The following KIF26A variants were observed in gnomAD, a reference collection of about 807,000 sequenced individuals.
The protein encoded by KIF26A is kinesin family member 26A, also known as kinesin-like protein KIF26A.
Under a neutral mutation model 126.0 loss-of-function variants are expected in KIF26A, and 74 were observed. That is an observed-to-expected ratio of 0.59 (90% CI 0.49 to 0.71). The LOEUF is 0.71. Ranked by LOEUF, KIF26A falls within the 30% of genes least tolerant of loss-of-function variation. The pLI, the probability that KIF26A is intolerant of heterozygous loss-of-function variation, is 0.00. For synonymous variants in KIF26A, 1,445 were observed against 1,232.7 expected (o/e 1.17, Z -3.61); for missense variants, 2,984 against 2,763.3 (o/e 1.08, Z -1.79).
At chr14:104,149,046 C>G (rs1183039264) in intron 2 of KIF26A, among the ~76,000 whole-genome samples, 1 of 152,230 alleles carries the variant, frequency 6.6e-6, no homozygotes, top group Non-Finnish European at 1.5e-5. Flanking sequence ...AGTCTGTGCC[C>G]TGGCCCCTAT....
rs942764015 is a variant in KIF26A, at chr14:104,167,212, G to T, written c.1113+164G>T. On this transcript the variant is annotated intron_variant, in intron 5 of 14. Coordinates refer to ENST00000423312, the MANE Select transcript of KIF26A (RefSeq NM_015656.2). ...AGACTGAGGCCCAGGTGGCAGCAGG[G>T]AGCCTGGGAGCCTGTGCTGGGCTGG... Among the ~76,000 whole-genome samples the T allele has an allele frequency of 2.0e-5, 3 of 152,190 alleles. No individual in the cohort carries two copies. In the East Asian group the frequency reaches 5.8e-4, roughly 29 times the overall value.
rs957029461 is a variant in KIF26A at position 104,179,867 on chromosome 14, G to A, written c.*77G>A. The A allele has an allele frequency of 3.7e-6, 5 of 1,356,624 alleles. No individual in the cohort carries two copies. Among genetic ancestry groups the A allele is most frequent in the African/African-American group, 1.5e-5 (1 of 67,576 alleles). 84.0% of individuals were successfully genotyped at this position (1,356,624 alleles called of 1,614,324 possible). Reference sequence around the variant, plus strand: ...CGTGGGACGGAGCGAGGATGTGGTGGGGGCTGCGGGGGGAGGATGCGGAGG... The same window carrying A: ...CGTGGGACGGAGCGAGGATGTGGTGAGGGCTGCGGGGGGAGGATGCGGAGG... On this transcript the variant is annotated 3_prime_UTR_variant, in exon 15 of 15. Coordinates refer to ENST00000423312, the MANE Select transcript of KIF26A (RefSeq NM_015656.2).
chr14:104,171,776 G>A lies in KIF26A; in HGVS notation c.1167G>A (p.Glu389=), dbSNP rs368528336. ...CACAGGGGGCCCAGCGCTCGGCCGA[G>A]GCCATGTCCTTCCTGAAGGTGGACC... The part of the protein sequence containing the change: ...WPAQGAQRSA[E]AMSFLKVDPR... The change falls in exon 6 of 15, where the codon GAG becomes GAA. Residue 389 remains glutamate, a synonymous_variant. Transcript: ENST00000423312. The A allele has an allele frequency of 1.4e-3, 2,218 of 1,579,064 alleles. 49 individuals carry two copies. The highest frequency in any genetic ancestry group is 3.2e-4 in the Non-Finnish European group (377 of 1,163,474).
Position 104,152,515 on chromosome 14 carries a change from C to T in KIF26A, c.735+54C>T. On this transcript the variant is annotated intron_variant, in intron 3 of 14. Transcript: ENST00000423312. The surrounding 1 kb of genome is among the most constrained non-coding windows in gnomAD (Gnocchi z 5.9). ...TGCTGGCCTCCTTGTCAGAACTGGG[C>T]TTCCTTCGGGGGTCTCTGTCCACGT... 2.7e-6 allele frequency: 4 copies of T among 1,471,098 alleles called. No individual in the cohort carries two copies. Among genetic ancestry groups the T allele is most frequent in the African/African-American group, 1.4e-5 (1 of 70,676 alleles). 91.1% of individuals were successfully genotyped at this position (1,471,098 alleles called of 1,614,324 possible).
chr14:104,177,106 C>T lies in KIF26A; in HGVS notation c.4318C>T (p.Arg1440Trp), dbSNP rs780341253. Residue 1440 changes from arginine to tryptophan, a missense_variant, in exon 12 of 15, where the codon CGG becomes TGG. Transcript: ENST00000423312. Reference protein sequence around the residue: ...HRLAGHASLERYEGLAHSSSK... With the variant: ...HRLAGHASLEWYEGLAHSSSK... ...TCTTGCCGGACACGCGTCTCTGGAG[C>T]GGTACGAAGGCCTGGCGCACAGCAG... 37 of 1,597,182 alleles carry T rather than the reference C, an allele frequency of 2.3e-5. No homozygotes were observed. Among genetic ancestry groups the T allele is most frequent in the African/African-American group, 1.9e-4 (14 of 74,894 alleles).
At chr14:104,159,073 C>T (rs1028927422) in intron 4 of KIF26A, among the ~76,000 whole-genome samples, 6 of 152,196 alleles carry the variant, frequency 3.9e-5, no homozygotes, top group Non-Finnish European at 8.8e-5. Flanking sequence ...CATTGTCGCA[C>T]GCCGTGTGCC....
Position 104,138,622 on chromosome 14 carries a change from C to T in KIF26A, c.-101C>T, listed in dbSNP as rs2037606410. Reference sequence around the variant, plus strand: ...TCTGCGAACTTCCGAGCGGCTGGGCCGGGCCATGGGGGCGCCTCGGGGCCG... The same window carrying T: ...TCTGCGAACTTCCGAGCGGCTGGGCTGGGCCATGGGGGCGCCTCGGGGCCG... On this transcript the variant is annotated 5_prime_UTR_variant, in exon 1 of 15. Coordinates refer to ENST00000423312, the MANE Select transcript of KIF26A (RefSeq NM_015656.2). 3 of 956,670 alleles carry T rather than the reference C, an allele frequency of 3.1e-6. No individual in the cohort carries two copies. The highest frequency in any genetic ancestry group is 2.7e-6 in the Non-Finnish European group (2 of 749,236). The allele number at this position is 956,670 out of a possible 1,614,324, so 59.3% of individuals were successfully genotyped here. A position where few individuals can be genotyped will look rare whatever the true frequency, so the allele number is the denominator to read the frequency against.
At chr14:104,172,947 G>C (rs75113198) in intron 7 of KIF26A, 30 bp from the exon 8 acceptor site, 1 of 1,557,598 alleles carries the variant, frequency 6.4e-7, no homozygotes, top group South Asian at 1.2e-5. Flanking sequence ...CGTGGTGTGT[G>C]GTGGGGCCTG....
chr14:104,162,680 G>T (rs2141104585), intron 4 of KIF26A, among the ~76,000 whole-genome samples: 1 of 152,292 alleles, frequency 6.6e-6, no homozygotes, highest in Admixed American at 6.5e-5. Context: ...AGGGGCTGCA[G>T]GGGAGGGTGG....
chr14:104,174,745 G>A (rs553151416), intron 11 of KIF26A, among the ~76,000 whole-genome samples: 218 of 152,298 alleles, frequency 1.4e-3, no homozygotes, highest in African/African-American at 3.4e-3. Flanking sequence ...TGAGCTTCCC[G>A]TTCCCTCCCA....
In KIF26A at chr14:104,171,933, C is replaced by G; in HGVS notation, c.1324C>G (p.Gln442Glu). 1 of 1,550,706 alleles carries G rather than the reference C, an allele frequency of 6.4e-7. No individual in the cohort carries two copies. The highest frequency in any genetic ancestry group is 1.4e-5 in the African/African-American group (1 of 73,184). The change falls in exon 6 of 15, where the codon CAG becomes GAG. Residue 442 changes from glutamine to glutamate, a missense_variant and splice_region_variant. Physicochemically the swap from Gln to Glu is conservative, Grantham distance 29. Coordinates refer to ENST00000423312, the MANE Select transcript of KIF26A (RefSeq NM_015656.2). ...TGCCGTCTTCCCCCAGGACTCCGAGCAGGTACGGGCAGGCGGACTGGGCGT... is the reference window on the plus strand; with the variant it reads ...TGCCGTCTTCCCCCAGGACTCCGAGGAGGTACGGGCAGGCGGACTGGGCGT... ...FDAVFPQDSEQAEVCSGTVAD... is the reference protein window; with the variant it reads ...FDAVFPQDSEEAEVCSGTVAD...
chr14:104,173,917 C>T, intron 10 of KIF26A, 49 bp downstream of exon 10: 2 of 1,521,658 alleles, frequency 1.3e-6, no homozygotes, highest in African/African-American at 2.7e-5. Context: ...CCCTTGGTGA[C>T]CTGGTAAATC....
Position 104,176,752 on chromosome 14 carries a change from T to C in KIF26A, c.3964T>C (p.Trp1322Arg). Residue 1322 changes from tryptophan to arginine, a missense_variant, in exon 12 of 15, where the codon TGG becomes CGG. Physicochemically the swap from Trp to Arg is moderately radical, Grantham distance 101. Transcript: ENST00000423312. Reference protein sequence around the residue: ...TLGVTTPAVSWGDAPTEVVAC... With the variant: ...TLGVTTPAVSRGDAPTEVVAC... ...GGGTGTGACAACGCCAGCTGTGTCC[T>C]GGGGAGATGCTCCCACGGAGGTGGT... The C allele has an allele frequency of 6.3e-7, 1 of 1,587,068 alleles. No individual in the cohort carries two copies. Among genetic ancestry groups the C allele is most frequent in the South Asian group, 1.1e-5 (1 of 87,570 alleles).
intron 5 of KIF26A, among the ~76,000 whole-genome samples, chr14:104,168,928 G>A (rs2037931990): frequency 6.6e-6 from 1 of 152,090 alleles, no homozygotes; most frequent in Non-Finnish European, 1.5e-5. Flanking sequence ...AAATCTCTTT[G>A]CCTAGCACTG....
chr14:104,152,333 G>A lies in KIF26A; in HGVS notation c.607G>A (p.Val203Ile). 1 of 1,582,144 alleles carries A rather than the reference G, an allele frequency of 6.3e-7. No individual in the cohort carries two copies. The highest frequency in any genetic ancestry group is 8.6e-7 in the Non-Finnish European group (1 of 1,166,392). Residue 203 changes from valine to isoleucine, a missense_variant, in exon 3 of 15, where the codon GTC becomes ATC. Val to Ile is a conservative substitution (Grantham distance 29). Coordinates refer to ENST00000423312, the MANE Select transcript of KIF26A (RefSeq NM_015656.2). This position sits in a 1 kb window ranked among gnomAD's most constrained non-coding sequence, Gnocchi z 5.9. Reference sequence around the variant, plus strand: ...GCTGGCCTGGTCCCCCGGGCCCAGTGTCCAGGTGTCTGTAGCACCTGCGGG... The same window carrying A: ...GCTGGCCTGGTCCCCCGGGCCCAGTATCCAGGTGTCTGTAGCACCTGCGGG... The part of the protein sequence containing the change: ...KGLAWSPGPS[V>I]QVSVAPAGLG...
At chr14:104,179,069 G>C (rs879800271) in intron 13 of KIF26A, among the ~76,000 whole-genome samples, 167 bp from the exon 14 acceptor site, 10 of 152,146 alleles carry the variant, frequency 6.6e-5, no homozygotes, top group African/African-American at 1.9e-4. Flanking sequence ...GGACCCAGAC[G>C]GGCATGGGTG....
At chr14:104,147,071 G>A (rs937678537) in intron 2 of KIF26A, among the ~76,000 whole-genome samples, 6 of 152,122 alleles carry the variant, frequency 3.9e-5, no homozygotes, top group African/African-American at 9.7e-5. Context: ...TGGTTCACCC[G>A]GTGACTGCAG....
chr14:104,163,204 A>G (rs1476710365), intron 4 of KIF26A, among the ~76,000 whole-genome samples: 2 of 151,684 alleles, frequency 1.3e-5, no homozygotes, highest in Admixed American at 6.5e-5. Flanking sequence ...GTGCCCCCAA[A>G]TGGGCAGATG....
At chr14:104,141,850 G>A (rs1369512283) in intron 2 of KIF26A, among the ~76,000 whole-genome samples, 3 of 152,238 alleles carry the variant, frequency 2.0e-5, no homozygotes, top group Non-Finnish European at 4.4e-5. Context: ...CCCTGAGCAG[G>A]TTCCCGAGAG....
Sources: allele counts gnomAD v4.1 joint callset (sites outside exome capture counted in the v4.1 genomes callset), GRCh38; gene constraint gnomAD v4.1.1; non-coding constraint Gnocchi (gnomAD v3.1); transcripts MANE v1.5; gene names NCBI Gene and HGNC (gene_info 2026-07-23, HGNC 2026-07-21).